CRACD: variants seen among roughly 807,000 people sequenced by gnomAD.
CRACD encodes the protein capping protein inhibiting regulator of actin dynamics.
Under a neutral mutation model 106.8 loss-of-function variants are expected in CRACD, and 56 were observed. The ratio of observed to expected loss-of-function variants is 0.52; its 90% CI spans 0.42 to 0.66. The LOEUF is 0.66. Among genes scored for constraint, CRACD ranks in the 30% least tolerant of loss-of-function variants. CRACD has a pLI of 0.00. For missense variants in CRACD, 1,730 were observed against 1,623.2 expected (o/e 1.07, Z -1.13); for synonymous variants, 754 against 670.8 (o/e 1.12, Z -1.92).
At chr4:56,248,514 C>A (rs1167542450) in intron 2 of CRACD, among the ~76,000 whole-genome samples, 5 of 151,366 alleles carry the variant, frequency 3.3e-5, no homozygotes, top group Non-Finnish European at 5.9e-5. Context: ...TTTTTGAATG[C>A]ACATTTTCTT....
At chr4:56,206,243 TATAAC>T (rs1383323996) in intron 2 of CRACD, among the ~76,000 whole-genome samples, 5 of 152,160 alleles carry the variant, frequency 3.3e-5, no homozygotes, top group Non-Finnish European at 5.9e-5. Flanking sequence ...TTCTCTCTCT[TATAAC>T]AGCTCAGGGA....
intron 2 of CRACD, among the ~76,000 whole-genome samples, chr4:56,236,109 T>C (rs866300349): frequency 3.2e-4 from 48 of 152,128 alleles, no homozygotes; most frequent in African/African-American, 1.1e-3. Context: ...TTTACAGAGG[T>C]GTTGCAGTTA....
At chr4:56,255,486 A>ATT (rs1741305250) in intron 2 of CRACD, among the ~76,000 whole-genome samples, 1 of 152,056 alleles carries the variant, frequency 6.6e-6, no homozygotes, top group African/African-American at 2.4e-5. Flanking sequence ...CTCTTTAAAA[A>ATT]AAAAAAATCA....
chr4:56,093,440 TGATGA>T (rs1733494672), intron 1 of CRACD, among the ~76,000 whole-genome samples: 1 of 152,202 alleles, frequency 6.6e-6, no homozygotes, highest in Non-Finnish European at 1.5e-5. Flanking sequence ...CTTTATTAGA[TGATGA>T]ATATAATTAT....
rs1206943927 is a variant in CRACD at position 56,314,553 on chromosome 4, G to A, written c.1051G>A (p.Glu351Lys). Residue 351 changes from glutamate to lysine, a missense_variant, in exon 8 of 11, where the codon GAA (glutamate) becomes AAA (lysine). Glu to Lys is a moderately conservative substitution (Grantham distance 56, BLOSUM62 1). Around this residue, in one of 5 missense-constraint regions of CRACD, gnomAD observed 1,620 missense variants for 1,481.6 expected, o/e 1.09. Transcript: ENST00000682029. The surrounding 1 kb of genome is among the most constrained non-coding windows in gnomAD (Gnocchi z 4.4). Reference protein sequence around the residue: ...LEERRRQEEEEGRCAEELKRQ... With the variant: ...LEERRRQEEEKGRCAEELKRQ... ...GGAGCGGAGGCGGCAGGAGGAGGAG[G>A]AAGGAAGATGCGCGGAGGAGCTCAA... 3 of 1,508,700 alleles carry A rather than the reference G, an allele frequency of 2.0e-6. No homozygotes were observed. The highest frequency in any genetic ancestry group is 2.5e-5 in the East Asian group (1 of 40,640). The allele number at this position is 1,508,700 out of a possible 1,614,324, so 93.5% of individuals were successfully genotyped here. A position where few individuals can be genotyped will look rare whatever the true frequency, so the allele number is the denominator to read the frequency against.
Position 56,194,974 on chromosome 4 carries a change from T to A in CRACD, c.-189+15544T>A, listed in dbSNP as rs1322417037. 5.9e-5 allele frequency among the ~76,000 whole-genome samples: 9 copies of A among 152,122 alleles called. No individual in the cohort carries two copies. The East Asian group carries it at 1.3e-3, about 23-fold the overall frequency. Reference sequence around the variant, plus strand: ...TGTCACAGCAATAAGTTCAGTAATATTAAGAGAGGGATGGAAGTAATACAT... The same window carrying A: ...TGTCACAGCAATAAGTTCAGTAATAATAAGAGAGGGATGGAAGTAATACAT... On this transcript the variant is annotated intron_variant, in intron 2 of 10. Transcript: ENST00000682029.
At chr4:56,214,311 T>C (rs1331540603) in intron 2 of CRACD, among the ~76,000 whole-genome samples, 1 of 152,122 alleles carries the variant, frequency 6.6e-6, no homozygotes, top group Non-Finnish European at 1.5e-5. Context: ...TTAAAAAATA[T>C]AGGCCGGGTG....
At chr4:56,304,864 A>T (rs1225911516) in intron 4 of CRACD, among the ~76,000 whole-genome samples, 1 of 152,194 alleles carries the variant, frequency 6.6e-6, no homozygotes, top group South Asian at 2.1e-4. Flanking sequence ...GATGATGGCA[A>T]AAATCCTAAT....
At chr4:56,130,144 A>G (rs1734779651) in intron 1 of CRACD, among the ~76,000 whole-genome samples, 1 of 151,984 alleles carries the variant, frequency 6.6e-6, no homozygotes, top group Admixed American at 6.6e-5. Context: ...GGTGGCACCC[A>G]CCTGTAGTCC....
chr4:56,214,677 C>CTATATATA (rs748365524), intron 2 of CRACD, among the ~76,000 whole-genome samples: 132 of 68,866 alleles, frequency 1.9e-3, no homozygotes, highest in African/African-American at 5.9e-3. Flanking sequence ...CTCTCTCTCT[C>CTATATATA]TCTCTATATA....
At chr4:56,166,815 C>T (rs78306934) in intron 1 of CRACD, among the ~76,000 whole-genome samples, 1,639 of 151,950 alleles carry the variant, frequency 0.011, 27 homozygotes, top group African/African-American at 0.036. Context: ...TGCAACATTG[C>T]ATGTAAAATA....
chr4:56,207,744 TCATATATA>T (rs1560484059), intron 2 of CRACD, among the ~76,000 whole-genome samples: 1 of 71,152 alleles, frequency 1.4e-5, no homozygotes, highest in African/African-American at 6.5e-5. Context: ...ACTTGTTTTC[TCATATATA>T]TATATATATA....
At chr4:56,148,887 C>T (rs1735487231) in intron 1 of CRACD, among the ~76,000 whole-genome samples, 1 of 151,530 alleles carries the variant, frequency 6.6e-6, no homozygotes, top group Admixed American at 6.6e-5. Flanking sequence ...GTGATCTCGG[C>T]TCGCTGCAAC....
rs920884557 is a variant in CRACD, at chr4:56,320,981, G to A, written c.3188-2396G>A. ...CCACATTGTGGTCTTTCACTGCCAC[G>A]TCTTGTGCTTCTAAGAGAACATCTT... On this transcript the variant is annotated intron_variant, in intron 8 of 10. Coordinates refer to ENST00000682029, the MANE Select transcript of CRACD (RefSeq NM_001393381.1). 5.3e-5 allele frequency: 10 copies of A among 188,468 alleles called. No individual in the cohort carries two copies. The East Asian group carries it at 6.2e-4, about 12-fold the overall frequency. The allele number at this position is 188,468 out of a possible 1,614,324, so 11.7% of individuals were successfully genotyped here.
intron 1 of CRACD, among the ~76,000 whole-genome samples, chr4:56,116,010 T>C (rs1577970866): frequency 6.6e-6 from 1 of 152,224 alleles, no homozygotes; most frequent in Admixed American, 6.5e-5. Flanking sequence ...GTTAGGTGTT[T>C]GCAGCTCCTT....
In CRACD at chr4:56,316,286, T is replaced by A. The variant is rs1184865348; in HGVS notation, c.2784T>A (p.Ser928=). Residue 928 remains serine, a synonymous_variant, in exon 8 of 11, where the codon TCT becomes TCA. Transcript: ENST00000682029. The part of the protein sequence containing the change: ...RDSAEPSSSR[S]VPVAHPGPPP... ...CCGCTGAACCTTCCAGCAGCCGCTC[T>A]GTTCCTGTGGCCCACCCTGGGCCTC... 4 of 1,613,862 alleles carry A rather than the reference T, an allele frequency of 2.5e-6. No individual in the cohort carries two copies. In the Admixed American group the frequency reaches 6.7e-5, roughly 27 times the overall value.
intron 1 of CRACD, among the ~76,000 whole-genome samples, chr4:56,122,953 T>C (rs1734539685): frequency 6.6e-6 from 1 of 152,236 alleles, no homozygotes; most frequent in South Asian, 2.1e-4. Flanking sequence ...CGATGGAACA[T>C]AATGTTTCCT....
intron 1 of CRACD, among the ~76,000 whole-genome samples, chr4:56,151,471 TTAAGAG>T (rs1162190492): frequency 2.0e-5 from 3 of 152,120 alleles, no homozygotes; most frequent in Non-Finnish European, 4.4e-5. Context: ...CTTGAGCCGT[TTAAGAG>T]TAAGTTGCCA....
chr4:56,327,781 G>C lies in CRACD; in HGVS notation c.3679G>C (p.Asp1227His). The C allele has an allele frequency of 6.2e-7, 1 of 1,614,098 alleles. No homozygotes were observed. The highest frequency in any genetic ancestry group is 8.5e-7 in the Non-Finnish European group (1 of 1,179,972). The change falls in exon 11 of 11, where the codon GAC becomes CAC. Residue 1227 changes from aspartate to histidine, a missense_variant. By Grantham distance (81) the Asp-to-His change is moderately conservative. This residue lies in a region of CRACD where 15 missense variants were observed against 16.1 expected (regional missense o/e 0.93). Coordinates refer to ENST00000682029, the MANE Select transcript of CRACD (RefSeq NM_001393381.1). Reference sequence around the variant, plus strand: ...CAAAAGGAAAGCAAAGGCTTGGAGCGACTGTCCACAGATTATTAAGTAAAG... The same window carrying C: ...CAAAAGGAAAGCAAAGGCTTGGAGCCACTGTCCACAGATTATTAAGTAAAG... ...LAKRKAKAWS[D>H]CPQIIK
Sources: gnomAD v4.1 joint callset for allele counts (sites outside exome capture counted in the v4.1 genomes callset) on GRCh38, gnomAD v4.1.1 for gene constraint, gnomAD v4.1.1 regional missense constraint, Gnocchi (gnomAD v3.1) non-coding constraint, MANE v1.5 for transcripts, NCBI Gene and HGNC (gene_info 2026-07-23, HGNC 2026-07-21) for gene names.